Variants in KPNA7 observed in about 807,000 individuals in gnomAD.
KPNA7 encodes the protein importin subunit alpha-8.
Under a neutral mutation model 53.7 loss-of-function variants are expected in KPNA7, and 54 were observed. The observed-to-expected ratio is 1.01, with a 90% CI of 0.81 to 1.26. The LOEUF is 1.26. Among genes scored for constraint, KPNA7 ranks in the 50% most tolerant of loss-of-function variants. The probability of loss-of-function intolerance (pLI) is 0.00; values close to 1 mark genes in which losing one functional copy is unlikely to be tolerated. For synonymous variants in KPNA7, 276 were observed against 259.3 expected (o/e 1.06, Z -0.62); for missense variants, 640 against 644.5 (o/e 0.99, Z 0.07).
chr7:99,215,545 T>A (rs984144326), intron 1 of KPNA7, among the ~76,000 whole-genome samples: 1 of 151,998 alleles, frequency 6.6e-6, no homozygotes, highest in Non-Finnish European at 1.5e-5. Flanking sequence ...GATCACTTCG[T>A]GTAGGGACAT....
chr7:99,210,545 C>G (rs750458900), upstream of KPNA7, among the ~76,000 whole-genome samples: 26 of 152,034 alleles, frequency 1.7e-4, no homozygotes, highest in South Asian at 4.1e-4. Flanking sequence ...TCAAATCAGG[C>G]CAAGTTTGAA....
intron 6 of KPNA7, among the ~76,000 whole-genome samples, chr7:99,190,273 G>A (rs1177820955): frequency 6.7e-6 from 1 of 149,430 alleles, no homozygotes; most frequent in East Asian, 2.0e-4. Context: ...GGAGGCGGAG[G>A]TTGCAGTGAG....
Position 99,199,055 on chromosome 7 carries a change from G to A in KPNA7, c.202-2889C>T, listed in dbSNP as rs1389309865. On this transcript the variant is annotated intron_variant, in intron 3 of 10. Transcript: ENST00000327442. ...ATTGAAAGAAATCCAAGAGTTATAT[G>A]CTGCAAACTGAAAAAAAAAAAAAAA... 4.8e-5 allele frequency among the ~76,000 whole-genome samples: 5 copies of A among 104,190 alleles called. No individual in the cohort carries two copies. The South Asian group carries it at 1.5e-3, about 30-fold the overall frequency. 68.4% of individuals were successfully genotyped at this position (104,190 alleles called of 152,430 possible).
chr7:99,171,776 G>A (rs1295822597), downstream of KPNA7, among the ~76,000 whole-genome samples: 1 of 152,108 alleles, frequency 6.6e-6, no homozygotes, highest in African/African-American at 2.4e-5. Flanking sequence ...GGGAAAACAA[G>A]CACAGGCAGG....
the KPNA7 span, among the ~76,000 whole-genome samples, chr7:99,161,093 C>G: frequency 6.6e-6 from 1 of 152,166 alleles, no homozygotes; most frequent in African/African-American, 2.4e-5. Context: ...AGCTCCTAAC[C>G]TCAAGTGACG....
At position 99,185,078 on chromosome 7, in the gene KPNA7, C is replaced by G. The variant is rs550249246; in HGVS notation, c.985G>C (p.Val329Leu). The change falls in exon 8 of 11, where the codon GTG (valine) becomes CTG (leucine). Residue 329 changes from valine (V) to leucine (L), a missense_variant. Physicochemically the swap from Val to Leu is conservative, Grantham distance 32. Coordinates refer to ENST00000327442, the MANE Select transcript of KPNA7 (RefSeq NM_001145715.3). The stretch of plus-strand genomic sequence containing the variant: ...TTGTGTTGCAGGAGCTGGGGGAGCA[C>G]GTTCAGCATACCCGCATCAATGGCC... The part of the protein sequence containing the change: ...QMAIDAGMLN[V>L]LPQLLQHNKP... The G allele has an allele frequency of 6.4e-7, 1 of 1,551,828 alleles. No homozygotes were observed. Among genetic ancestry groups the G allele is most frequent in the Non-Finnish European group, 8.7e-7 (1 of 1,147,054 alleles).
rs973878482 is a variant in KPNA7 at position 99,191,992 on chromosome 7, T to G, written c.636+1027A>C. Among the ~76,000 whole-genome samples, 6 of 152,266 alleles carry G rather than the reference T, an allele frequency of 3.9e-5. No homozygotes were observed. The South Asian group carries it at 8.3e-4, about 21-fold the overall frequency. ...TCCTCTGGCTGCTCTTCATTTTTGTTTGAGGCAAATCGAGAACCCAGTTCC... is the reference window on the plus strand; with the variant it reads ...TCCTCTGGCTGCTCTTCATTTTTGTGTGAGGCAAATCGAGAACCCAGTTCC... On this transcript the variant is annotated intron_variant, in intron 6 of 10. Transcript: ENST00000327442.
the KPNA7 span, among the ~76,000 whole-genome samples, chr7:99,162,011 A>G: frequency 6.6e-6 from 1 of 150,484 alleles, no homozygotes; most frequent in Non-Finnish European, 1.5e-5. Context: ...TAAGTTACGC[A>G]GTGTGCATGG....
At position 99,177,977 on chromosome 7, in the gene KPNA7, A is replaced by G. The variant is rs1160925448; in HGVS notation, c.1407T>C (p.His469=). 6.4e-7 allele frequency: 1 copy of G among 1,551,846 alleles called. No individual in the cohort carries two copies. The highest frequency in any genetic ancestry group is 2.0e-5 in the Admixed American group (1 of 50,966). The change falls in exon 10 of 11, where the codon CAT becomes CAC. Residue 469 remains histidine, a synonymous_variant. Transcript: ENST00000327442. ...CCGACTGGCCAATTTGACGGTTCTC[A>G]TGCAGCTGTAAAGCCTCAATTCTAT... ...GIDRIEALQL[H]ENRQIGQSAL...
the KPNA7 span, among the ~76,000 whole-genome samples, chr7:99,162,037 A>ATTTTTTTTTTTTTTTT: frequency 9.4e-6 from 1 of 106,940 alleles, no homozygotes; most frequent in Admixed American, 1.1e-4. Context: ...CAAGATTGCA[A>ATTTTTTTTTTTTTTTT]TTTTTTTTTT....
upstream of KPNA7, among the ~76,000 whole-genome samples, chr7:99,212,793 C>T (rs974875087): frequency 6.6e-6 from 1 of 151,786 alleles, no homozygotes; most frequent in South Asian, 2.1e-4. Flanking sequence ...CCCAGATACT[C>T]GGTGGGAGGA....
At position 99,195,561 on chromosome 7, in the gene KPNA7, G is replaced by A. The variant is rs1020822018; in HGVS notation, c.285-223C>T. On this transcript the variant is annotated intron_variant, in intron 4 of 10. Coordinates refer to ENST00000327442, the MANE Select transcript of KPNA7 (RefSeq NM_001145715.3). ...TACTAAGAATATAAAAATTAGCTGGGTGTGGTGGTGCACACCTGTAATCTC... is the reference window on the plus strand; with the variant it reads ...TACTAAGAATATAAAAATTAGCTGGATGTGGTGGTGCACACCTGTAATCTC... Among the ~76,000 whole-genome samples, 6 of 152,218 alleles carry A rather than the reference G, an allele frequency of 3.9e-5. No individual in the cohort carries two copies. In the South Asian group the frequency reaches 1.2e-3, roughly 32 times the overall value.
chr7:99,149,772 A>G, the KPNA7 span, among the ~76,000 whole-genome samples: 1 of 152,136 alleles, frequency 6.6e-6, no homozygotes, highest in South Asian at 2.1e-4. Flanking sequence ...TCATCTGAGC[A>G]TCAAGTTGTT....
chr7:99,173,099 C>CTGTCCGGA (rs1798802301), downstream of KPNA7, among the ~76,000 whole-genome samples: 1 of 145,974 alleles, frequency 6.9e-6, no homozygotes, highest in South Asian at 2.2e-4. Context: ...AAGAAAAAGT[C>CTGTCCGGA]TGTCCGGATA....
intron 7 of KPNA7, among the ~76,000 whole-genome samples, chr7:99,187,846 T>G (rs1789697930): frequency 1.6e-5 from 2 of 125,388 alleles, no homozygotes; most frequent in African/African-American, 5.5e-5. Context: ...CCCACTAGGA[T>G]TTGACATCAA....
At chr7:99,202,493 A>C (rs12705035) in intron 3 of KPNA7, among the ~76,000 whole-genome samples, 12,064 of 152,138 alleles carry the variant, frequency 0.079, 515 homozygotes, top group South Asian at 0.15. Flanking sequence ...AACCTTCACC[A>C]ACCCTCATTT....
In KPNA7 at chr7:99,183,403, A is replaced by C. The variant is rs1211836137; in HGVS notation, c.1135-1338T>G. ...GAAAACTGACCTCAGCATAAAAAACAAAACAAAACAAATAACTTATGGCTC... is the reference window on the plus strand; with the variant it reads ...GAAAACTGACCTCAGCATAAAAAACCAAACAAAACAAATAACTTATGGCTC... On this transcript the variant is annotated intron_variant, in intron 8 of 10. Transcript: ENST00000327442. Among the ~76,000 whole-genome samples, 4 of 151,170 alleles carry C rather than the reference A, an allele frequency of 2.6e-5. No homozygotes were observed. The Middle Eastern group carries it at 0.014, about 521-fold the overall frequency.
At chr7:99,167,981 T>TCCCC in the KPNA7 span, among the ~76,000 whole-genome samples, 11 of 137,620 alleles carry the variant, frequency 8.0e-5, no homozygotes, top group African/African-American at 1.1e-4. Context: ...CCCAAACCAT[T>TCCCC]CCCCCACCCC....
At chr7:99,176,342 T>G (rs898449044) in intron 10 of KPNA7, among the ~76,000 whole-genome samples, 5 of 149,636 alleles carry the variant, frequency 3.3e-5, no homozygotes, top group African/African-American at 1.2e-4. Flanking sequence ...AAGAAAAATT[T>G]CTGATATAAG....
Sources: gnomAD v4.1 joint callset for allele counts (sites outside exome capture counted in the v4.1 genomes callset) on GRCh38, gnomAD v4.1.1 for gene constraint, MANE v1.5 for transcripts, NCBI Gene and HGNC (gene_info 2026-07-23, HGNC 2026-07-21) for gene names.